The following UGT1A1 variants were observed in gnomAD, a reference collection of about 807,000 sequenced individuals.
UGT1A1 encodes the protein UDP glucuronosyltransferase family 1 member A1.
In UGT1A1, 33 loss-of-function variants were observed where a neutral mutation model predicts 40.6. The ratio of observed to expected loss-of-function variants is 0.81; its 90% CI spans 0.62 to 1.09. UGT1A1 has a LOEUF of 1.09. Among genes scored for constraint, UGT1A1 ranks in the 50% least tolerant of loss-of-function variants. The pLI is 0.00. For missense variants in UGT1A1, 694 were observed against 671.2 expected (o/e 1.03, Z -0.38); for synonymous variants, 249 against 265.0 (o/e 0.94, Z 0.59).
In UGT1A1 at chr2:233,769,262, G is replaced by C. The variant is rs1197405588; in HGVS notation, c.1304+823G>C. On this transcript the variant is annotated intron_variant, in intron 4 of 4. Transcript: ENST00000305208. This position sits in a 1 kb window ranked among gnomAD's most constrained non-coding sequence, Gnocchi z 4.4. The stretch of plus-strand genomic sequence containing the variant: ...TTTGCTCAAATGTGGCCCTGAAAAC[G>C]ATTCAAAGGGCAAATGATTTCTGGA... Among the ~76,000 whole-genome samples the C allele has an allele frequency of 6.6e-6, 1 of 152,184 alleles. No homozygotes were observed. Among genetic ancestry groups the C allele is most frequent in the Non-Finnish European group, 1.5e-5 (1 of 68,036 alleles).
chr2:233,768,921 A>G (rs1482131176), intron 4 of UGT1A1, among the ~76,000 whole-genome samples: 4 of 152,000 alleles, frequency 2.6e-5, no homozygotes, highest in Non-Finnish European at 2.9e-5. Context: ...GTTATTATTC[A>G]CTTTATAAAA....
At chr2:233,765,342 T>G (rs1698805328) in intron 1 of UGT1A1, among the ~76,000 whole-genome samples, 1 of 152,198 alleles carries the variant, frequency 6.6e-6, no homozygotes. Flanking sequence ...AATAACAAAG[T>G]CATGGAACCA....
intron 1 of UGT1A1, among the ~76,000 whole-genome samples, chr2:233,762,329 A>G (rs1333390558): frequency 6.6e-6 from 1 of 152,248 alleles, no homozygotes; most frequent in Non-Finnish European, 1.5e-5. Flanking sequence ...GTAATCCACA[A>G]TAGCTCTTTT....
chr2:233,760,997 T>A lies in UGT1A1; in HGVS notation c.710T>A (p.Phe237Tyr). 2 of 1,614,168 alleles carry A rather than the reference T, an allele frequency of 1.2e-6. No individual in the cohort carries two copies. Among genetic ancestry groups the A allele is most frequent in the South Asian group, 2.2e-5 (2 of 91,072 alleles). The change falls in exon 1 of 5, where the codon TTC becomes TAC. Residue 237 changes from phenylalanine (F) to tyrosine (Y), a missense_variant. Transcript: ENST00000305208. ...YSPYATLASEFLQREVTVQDL... is the reference protein window; with the variant it reads ...YSPYATLASEYLQREVTVQDL... ...CCGTATGCAACCCTTGCCTCAGAAT[T>A]CCTTCAGAGAGAGGTGACTGTCCAG... is the stretch of plus-strand genomic sequence containing the variant.
chr2:233,769,675 G>A lies in UGT1A1; in HGVS notation c.1304+1236G>A, dbSNP rs1044597905. 16 of 1,578,848 alleles carry A rather than the reference G, an allele frequency of 1.0e-5. No homozygotes were observed. The highest frequency in any genetic ancestry group is 1.4e-5 in the Non-Finnish European group (16 of 1,162,352). ...CTTCCCACCTTTGAGGTGCTAATGT[G>A]TGTGTGGTGGCACTGGATAAAAGAT... On this transcript the variant is annotated intron_variant, in intron 4 of 4. Coordinates refer to ENST00000305208, the MANE Select transcript of UGT1A1 (RefSeq NM_000463.3). The surrounding 1 kb of genome is among the most constrained non-coding windows in gnomAD (Gnocchi z 4.4).
chr2:233,770,903 T>C (rs35203651), intron 4 of UGT1A1: 14,100 of 152,250 alleles, frequency 0.093, 767 homozygotes, highest in South Asian at 0.16. Flanking sequence ...CTGCAGGCTG[T>C]ACAGGAAGCT....
At chr2:233,771,437 T>G (rs981684428) in intron 4 of UGT1A1, 1 of 152,226 alleles carries the variant, frequency 6.6e-6, no homozygotes, top group African/African-American at 2.4e-5. Context: ...CATTTTGCAC[T>G]AAGTGGCTGC....
In UGT1A1 at chr2:233,760,993, G is replaced by C. The variant is rs367668492; in HGVS notation, c.706G>C (p.Glu236Gln). ...TTCCCCGTATGCAACCCTTGCCTCA[G>C]AATTCCTTCAGAGAGAGGTGACTGT... ...VYSPYATLASEFLQREVTVQD... is the reference protein window; with the variant it reads ...VYSPYATLASQFLQREVTVQD... The change falls in exon 1 of 5, where the codon GAA (glutamate) becomes CAA (glutamine). Residue 236 changes from glutamate (E) to glutamine (Q), a missense_variant. Physicochemically the swap from Glu to Gln is conservative, Grantham distance 29. Coordinates refer to ENST00000305208, the MANE Select transcript of UGT1A1 (RefSeq NM_000463.3). The C allele has an allele frequency of 4.5e-5, 73 of 1,614,036 alleles. No homozygotes were observed. Among genetic ancestry groups the C allele is most frequent in the South Asian group, 2.0e-4 (18 of 91,074 alleles).
Position 233,760,437 on chromosome 2 carries a change from G to A in UGT1A1, c.150G>A (p.Leu50=), listed in dbSNP as rs1351570136. Residue 50 remains leucine (L), a synonymous_variant, in exon 1 of 5, where the codon CTG becomes CTA. Transcript: ENST00000305208. The part of the protein sequence containing the change: ...WLSMLGAIQQ[L]QQRGHEIVVL... ...GCATGCTTGGGGCCATCCAGCAGCT[G>A]CAGCAGAGGGGACATGAAATAGTTG... is the stretch of plus-strand genomic sequence containing the variant. 6.2e-7 allele frequency: 1 copy of A among 1,614,104 alleles called. No individual in the cohort carries two copies. The highest frequency in any genetic ancestry group is 2.2e-5 in the East Asian group (1 of 44,896).
At chr2:233,768,876 G>A (rs747097900) in intron 4 of UGT1A1, among the ~76,000 whole-genome samples, 6 of 151,968 alleles carry the variant, frequency 3.9e-5, no homozygotes, top group Admixed American at 6.6e-5. Flanking sequence ...GAGCCAGCGC[G>A]TCTGACCTGG....
At position 233,772,461 on chromosome 2, in the gene UGT1A1, G is replaced by A. The variant is rs764439291; in HGVS notation, c.1504G>A (p.Val502Met). The change falls in exon 5 of 5, where the codon GTG becomes ATG. Residue 502 changes from valine (V) to methionine (M), a missense_variant. Coordinates refer to ENST00000305208, the MANE Select transcript of UGT1A1 (RefSeq NM_000463.3). ...IGFLLAVVLT[V>M]AFITFKCCAY... is the part of the protein sequence containing the mutation. ...TTTCCTCTTGGCCGTCGTGCTGACAGTGGCCTTCATCACCTTTAAATGTTG... is the reference window on the plus strand; with the variant it reads ...TTTCCTCTTGGCCGTCGTGCTGACAATGGCCTTCATCACCTTTAAATGTTG... 6.2e-7 allele frequency: 1 copy of A among 1,614,184 alleles called. No homozygotes were observed. Among genetic ancestry groups the A allele is most frequent in the Non-Finnish European group, 8.5e-7 (1 of 1,180,040 alleles).
chr2:233,767,255 G>T, intron 2 of UGT1A1, 90 bp downstream of exon 2: 2 of 1,596,758 alleles, frequency 1.3e-6, no homozygotes, highest in East Asian at 2.2e-5. Context: ...CTCTTAATTG[G>T]AACCTTAGAT....
Position 233,761,099 on chromosome 2 carries a change from A to G in UGT1A1, c.812A>G (p.Asn271Ser). The G allele has an allele frequency of 5.0e-6, 8 of 1,614,170 alleles. No homozygotes were observed. Among genetic ancestry groups the G allele is most frequent in the African/African-American group, 1.3e-5 (1 of 75,042 alleles). Residue 271 changes from asparagine to serine, a missense_variant, in exon 1 of 5, where the codon AAT (asparagine) becomes AGT (serine). Transcript: ENST00000305208. ...VKDYPRPIMP[N>S]MVFVGGINCL... The stretch of plus-strand genomic sequence containing the variant: ...GATTACCCTAGGCCCATCATGCCCA[A>G]TATGGTTTTTGTTGGTGGAATCAAC...
intron 1 of UGT1A1, among the ~76,000 whole-genome samples, chr2:233,761,716 C>T (rs1291431022): frequency 6.6e-6 from 1 of 152,198 alleles, no homozygotes; most frequent in Non-Finnish European, 1.5e-5. Flanking sequence ...CATTCTCAAG[C>T]TATTAGGTTT....
chr2:233,767,857 G>C lies in UGT1A1; in HGVS notation c.1005G>C (p.Trp335Cys). The C allele has an allele frequency of 6.2e-7, 1 of 1,614,112 alleles. No individual in the cohort carries two copies. Among genetic ancestry groups the C allele is most frequent in the Non-Finnish European group, 8.5e-7 (1 of 1,180,034 alleles). The change falls in exon 3 of 5, where the codon TGG becomes TGC. Residue 335 changes from tryptophan to cysteine, a missense_variant. By Grantham distance (215) the Trp-to-Cys change is radical (BLOSUM62 -2). Transcript: ENST00000305208. ...ALGKIPQTVL[W>C]RYTGTRPSNL... The stretch of plus-strand genomic sequence containing the variant: ...CTTTTTGCCCCTCCCAGGTCCTGTG[G>C]CGGTACACTGGAACCCGACCATCGA...
In UGT1A1 at chr2:233,772,505, A is replaced by T. The variant is rs772037816; in HGVS notation, c.1548A>T (p.Lys516Asn). 13 of 1,614,204 alleles carry T rather than the reference A, an allele frequency of 8.1e-6. No individual in the cohort carries two copies. Among genetic ancestry groups the T allele is most frequent in the South Asian group, 1.1e-5 (1 of 91,082 alleles). ...TFKCCAYGYR[K>N]CLGKKGRVKK... is the part of the protein sequence containing the mutation. ...AATGTTGTGCTTATGGCTACCGGAA[A>T]TGCTTGGGGAAAAAAGGGCGAGTTA... The change falls in exon 5 of 5, where the codon AAA (lysine) becomes AAT (asparagine). Residue 516 changes from lysine (K) to asparagine (N), a missense_variant. Transcript: ENST00000305208.
At chr2:233,763,415 C>T (rs1277371697) in intron 1 of UGT1A1, among the ~76,000 whole-genome samples, 1 of 152,156 alleles carries the variant, frequency 6.6e-6, no homozygotes, top group Non-Finnish European at 1.5e-5. Flanking sequence ...ATTTTTAATC[C>T]AGTCAGGCAG....
chr2:233,768,597 T>C (rs1188549543), intron 4 of UGT1A1, among the ~76,000 whole-genome samples, 158 bp downstream of exon 4: 1 of 135,710 alleles, frequency 7.4e-6, no homozygotes, highest in Non-Finnish European at 1.6e-5. Context: ...TTTTTTTTTT[T>C]TTTTTTTGAG....
intron 1 of UGT1A1, among the ~76,000 whole-genome samples, chr2:233,761,384 C>T (rs564518186): frequency 1.3e-5 from 2 of 152,326 alleles, no homozygotes; most frequent in South Asian, 4.1e-4. Flanking sequence ...ACTCTGTGTG[C>T]TCCAGTGGAT....
Sources: gnomAD v4.1 joint callset for allele counts (sites outside exome capture counted in the v4.1 genomes callset) on GRCh38, gnomAD v4.1.1 for gene constraint, Gnocchi (gnomAD v3.1) non-coding constraint, MANE v1.5 for transcripts, NCBI Gene and HGNC (gene_info 2026-07-23, HGNC 2026-07-21) for gene names.